The following GFPT1 variants were observed in gnomAD, a reference collection of about 807,000 sequenced individuals.
The protein encoded by GFPT1 is glutamine--fructose-6-phosphate transaminase 1, also known as glutamine--fructose-6-phosphate aminotransferase [isomerizing] 1.
A neutral mutation model predicts 92.0 loss-of-function variants in GFPT1; 40 were observed. The observed-to-expected ratio is 0.43, with a 90% CI of 0.34 to 0.57. The LOEUF is 0.57. Among genes scored for constraint, GFPT1 ranks in the 20% least tolerant of loss-of-function variants. The pLI is 0.02. For synonymous variants in GFPT1, 269 were observed against 280.6 expected (o/e 0.96, Z 0.41); for missense variants, 448 against 869.1 (o/e 0.52, Z 6.09).
Position 69,324,625 on chromosome 2 carries a change from GCAA to G in GFPT1, c.*1561_*1563del, listed in dbSNP as rs1222263908. On this transcript the variant is annotated 3_prime_UTR_variant, in exon 20 of 20. Coordinates refer to ENST00000357308, the MANE Select transcript of GFPT1 (RefSeq NM_001244710.2). ...ACAAGCAGAATTCTATGCTTCTCTG[GCAA>G]CAACAATAACTATTAGAAAATCTTA... 6.6e-6 allele frequency: 1 copy of G among 151,868 alleles called. No individual in the cohort carries two copies. Among genetic ancestry groups the G allele is most frequent in the East Asian group, 1.9e-4 (1 of 5,190 alleles). The allele number at this position is 151,868 out of a possible 1,614,324, so 9.4% of individuals were successfully genotyped here. A position where few individuals can be genotyped will look rare whatever the true frequency, so the allele number is the denominator to read the frequency against.
At chr2:69,349,798 G>T (rs965590429) in intron 10 of GFPT1, among the ~76,000 whole-genome samples, 2 of 151,954 alleles carry the variant, frequency 1.3e-5, no homozygotes, top group Admixed American at 6.6e-5. Flanking sequence ...CCTGGATAAG[G>T]CTCCTGAAAT....
At chr2:69,362,541 T>C (rs1671500442) in intron 4 of GFPT1, among the ~76,000 whole-genome samples, 1 of 152,174 alleles carries the variant, frequency 6.6e-6, no homozygotes, top group Non-Finnish European at 1.5e-5. Flanking sequence ...CTCACTCCTG[T>C]AATCCCAGCA....
intron 15 of GFPT1, among the ~76,000 whole-genome samples, chr2:69,337,213 G>T (rs1396926105): frequency 6.6e-6 from 1 of 151,752 alleles, no homozygotes; most frequent in African/African-American, 2.4e-5. Flanking sequence ...TTACAGGCAC[G>T]TGCTACCACA....
chr2:69,366,827 T>C (rs1447868427), intron 3 of GFPT1, among the ~76,000 whole-genome samples: 2 of 152,188 alleles, frequency 1.3e-5, no homozygotes, highest in Non-Finnish European at 2.9e-5. Context: ...ATTTCCTCAT[T>C]TGCATCTTCT....
At position 69,348,937 on chromosome 2, in the gene GFPT1, T is replaced by C. The variant is rs537733784; in HGVS notation, c.846-603A>G. On this transcript the variant is annotated intron_variant, in intron 10 of 19. Transcript: ENST00000357308. The stretch of plus-strand genomic sequence containing the variant: ...CCCAAGCTTCCTCTCACTCTCTCTA[T>C]TCTGGCCACACTCAAAGCCATCCTA... 1.1e-4 allele frequency among the ~76,000 whole-genome samples: 17 copies of C among 152,290 alleles called. No individual in the cohort carries two copies. In the South Asian group the frequency reaches 3.3e-3, roughly 30 times the overall value.
Position 69,327,182 on chromosome 2 carries a change from C to T in GFPT1, c.1894-107G>A, listed in dbSNP as rs75839634. 1.8e-3 allele frequency: 1,599 copies of T among 886,790 alleles called. 16 individuals carry two copies. The African/African-American group carries it at 0.023, about 13-fold the overall frequency. The allele number at this position is 886,790 out of a possible 1,614,324, so 54.9% of individuals were successfully genotyped here. On this transcript the variant is annotated intron_variant, in intron 18 of 19. Transcript: ENST00000357308. ...ACTGCATAATCCATATGAAGCCTCA[C>T]GGACAGACTTCTTTAAATTCCTGTG...
At chr2:69,342,876 C>G (rs1355796017) in intron 12 of GFPT1, among the ~76,000 whole-genome samples, 1 of 152,202 alleles carries the variant, frequency 6.6e-6, no homozygotes, top group Non-Finnish European at 1.5e-5. Context: ...ACTCTCCTCT[C>G]AGTCTTTGCC....
chr2:69,345,814 G>T, intron 12 of GFPT1, 90 bp downstream of exon 12: 1 of 784,868 alleles, frequency 1.3e-6, no homozygotes, highest in Non-Finnish European at 2.3e-6. Context: ...TGTTCTACAA[G>T]GCTATTAAGG....
chr2:69,384,353 C>T (rs9808023), intron 1 of GFPT1, among the ~76,000 whole-genome samples: 100,335 of 152,068 alleles, frequency 0.66, 34,515 homozygotes, highest in African/African-American at 0.87. Context: ...AAAAAAAGCA[C>T]ATCAGAATCT....
At chr2:69,383,892 T>C (rs2104705385) in intron 1 of GFPT1, among the ~76,000 whole-genome samples, 1 of 152,342 alleles carries the variant, frequency 6.6e-6, no homozygotes, top group East Asian at 1.9e-4. Context: ...CCTCCCAAAG[T>C]GCTGGGATTG....
chr2:69,328,736 G>A (rs1227570305), intron 17 of GFPT1, among the ~76,000 whole-genome samples: 4 of 126,234 alleles, frequency 3.2e-5, no homozygotes, highest in East Asian at 2.2e-4. Context: ...AGTCTTCTTC[G>A]ATCGCCCAGG....
At chr2:69,331,653 TG>T (rs887425616) in intron 15 of GFPT1, among the ~76,000 whole-genome samples, 2 of 152,196 alleles carry the variant, frequency 1.3e-5, no homozygotes, top group African/African-American at 2.4e-5. Flanking sequence ...ACTGAATGAC[TG>T]ATCTAATTGT....
chr2:69,326,833 G>A (rs1163585383), intron 19 of GFPT1, 81 bp downstream of exon 19: 1 of 1,342,406 alleles, frequency 7.4e-7, no homozygotes, highest in East Asian at 2.3e-5. Flanking sequence ...AAACACTATT[G>A]TTAAAAATTT....
At chr2:69,340,597 T>C (rs1670925611) in intron 13 of GFPT1, among the ~76,000 whole-genome samples, 1 of 152,020 alleles carries the variant, frequency 6.6e-6, no homozygotes, top group Non-Finnish European at 1.5e-5. Context: ...CTGGCATAAA[T>C]GAGTTAAGAA....
Position 69,338,573 on chromosome 2 carries a change from G to A in GFPT1, c.1204-8C>T. The stretch of plus-strand genomic sequence containing the variant: ...CTCAAGAACTTGACGTGTCTGCAGA[G>A]AAAATATGACTTGGTCACAGAACTT... On this transcript the variant is annotated splice_polypyrimidine_tract_variant and splice_region_variant and intron_variant, in intron 13 of 19. Transcript: ENST00000357308. 1 of 1,613,736 alleles carries A rather than the reference G, an allele frequency of 6.2e-7. No individual in the cohort carries two copies. The highest frequency in any genetic ancestry group is 8.5e-7 in the Non-Finnish European group (1 of 1,179,692).
chr2:69,381,156 T>C (rs1454574601), intron 1 of GFPT1, among the ~76,000 whole-genome samples: 2 of 152,132 alleles, frequency 1.3e-5, no homozygotes, highest in Non-Finnish European at 2.9e-5. Context: ...CTAATTTTTG[T>C]ATTTTTAGCA....
intron 1 of GFPT1, among the ~76,000 whole-genome samples, chr2:69,382,108 C>T (rs1302354152): frequency 2.0e-5 from 3 of 152,094 alleles, no homozygotes; most frequent in African/African-American, 7.2e-5. Context: ...AAGTGATTCG[C>T]CCACCTCAGC....
At chr2:69,330,968 AC>A (rs1311622893) in intron 15 of GFPT1, among the ~76,000 whole-genome samples, 1 of 152,196 alleles carries the variant, frequency 6.6e-6, no homozygotes, top group Non-Finnish European at 1.5e-5. Context: ...TCCCTGACAC[AC>A]AGGCTCAAAA....
rs903581995 is a variant in GFPT1, at chr2:69,330,987, T to C, written c.1483-1189A>G. On this transcript the variant is annotated intron_variant, in intron 15 of 19. Transcript: ENST00000357308. Reference sequence around the variant, plus strand: ...TGACACACAGGCTCAAAACGTACTATAAATTTTATTGATGACAGCTTGAAC... The same window carrying C: ...TGACACACAGGCTCAAAACGTACTACAAATTTTATTGATGACAGCTTGAAC... 3.3e-5 allele frequency among the ~76,000 whole-genome samples: 5 copies of C among 152,230 alleles called. No homozygotes were observed. In the East Asian group the frequency reaches 7.7e-4, roughly 23 times the overall value.
Sources: gnomAD v4.1 joint callset for allele counts (sites outside exome capture counted in the v4.1 genomes callset) on GRCh38, gnomAD v4.1.1 for gene constraint, MANE v1.5 for transcripts, NCBI Gene and HGNC (gene_info 2026-07-23, HGNC 2026-07-21) for gene names.